Variants in GALNT12 observed in about 807,000 individuals in gnomAD.
GALNT12 encodes UDP-GalNAc:polypeptide N-acetylgalactosaminyltransferase 12.
A neutral mutation model predicts 55.5 loss-of-function variants in GALNT12; 45 were observed. That is an observed-to-expected ratio of 0.81 (90% CI 0.64 to 1.04). GALNT12 has a LOEUF of 1.04. Among genes scored for constraint, GALNT12 ranks in the 50% least tolerant of loss-of-function variants. The pLI, the probability that GALNT12 is intolerant of heterozygous loss-of-function variation, is 0.00. For synonymous variants in GALNT12, 304 were observed against 312.2 expected, an observed-to-expected ratio of 0.97 and a Z score of 0.28; for missense variants, 709 against 754.8, an observed-to-expected ratio of 0.94 and a Z score of 0.71.
At chr9:98,811,579 A>G (rs1835496595) in intron 1 of GALNT12, among the ~76,000 whole-genome samples, 1 of 151,878 alleles carries the variant, frequency 6.6e-6, no homozygotes, top group South Asian at 2.1e-4. Flanking sequence ...TTATTTCTTG[A>G]CTTGCTCTGG....
chr9:98,814,176 G>A (rs1308590125), intron 1 of GALNT12, among the ~76,000 whole-genome samples: 2 of 152,100 alleles, frequency 1.3e-5, no homozygotes, highest in Non-Finnish European at 2.9e-5. Context: ...GTCTCTGTGT[G>A]TATATGCATG....
chr9:98,819,098 G>C (rs1835678905), intron 1 of GALNT12, among the ~76,000 whole-genome samples: 1 of 152,196 alleles, frequency 6.6e-6, no homozygotes, highest in South Asian at 2.1e-4. Flanking sequence ...CTCCAGAATG[G>C]ATGATACCTT....
chr9:98,831,791 G>A lies in GALNT12; in HGVS notation c.751G>A (p.Ala251Thr), dbSNP rs2118413323. ...LLQRIHEEES[A>T]VVCPVIDVID... ...TTTCAGGATCCATGAAGAGGAGTCG[G>A]CAGTGGTGTGCCCGGTGATTGATGT... The change falls in exon 4 of 10, where the codon GCA becomes ACA. Residue 251 changes from alanine to threonine, a missense_variant. Physicochemically the swap from Ala to Thr is moderately conservative, Grantham distance 58. This residue lies in a region of GALNT12 where 315 missense variants were observed against 288.6 expected (regional missense o/e 1.09). Transcript: ENST00000375011. 1.2e-6 allele frequency: 2 copies of A among 1,614,214 alleles called. No individual in the cohort carries two copies. Among genetic ancestry groups the A allele is most frequent in the Non-Finnish European group, 1.7e-6 (2 of 1,180,042 alleles).
At position 98,845,966 on chromosome 9, in the gene GALNT12, C is replaced by T; in HGVS notation, c.1459-11C>T. Reference sequence around the variant, plus strand: ...AAATGTTGTGTTACATGTTGGCTGCCCCATTTTTAGTTTTTCGAGTACACG... The same window carrying T: ...AAATGTTGTGTTACATGTTGGCTGCTCCATTTTTAGTTTTTCGAGTACACG... On this transcript the variant is annotated splice_polypyrimidine_tract_variant and intron_variant, in intron 8 of 9. Transcript: ENST00000375011. 1 of 1,614,006 alleles carries T rather than the reference C, an allele frequency of 6.2e-7. No homozygotes were observed. Among genetic ancestry groups the T allele is most frequent in the African/African-American group, 1.3e-5 (1 of 75,032 alleles).
intron 6 of GALNT12, 56 bp from the exon 7 acceptor site, chr9:98,839,946 G>C: frequency 1.9e-6 from 3 of 1,610,564 alleles, no homozygotes; most frequent in Non-Finnish European, 2.5e-6. Context: ...GAACACAGGG[G>C]CTTTGAAAGG....
chr9:98,843,538 C>T (rs1836344636), intron 7 of GALNT12, among the ~76,000 whole-genome samples: 1 of 152,012 alleles, frequency 6.6e-6, no homozygotes, highest in African/African-American at 2.4e-5. Context: ...TCCCAAGTAG[C>T]TGGTACTACA....
chr9:98,847,924 T>C (rs1386484051), intron 9 of GALNT12, among the ~76,000 whole-genome samples: 1 of 151,204 alleles, frequency 6.6e-6, no homozygotes, highest in African/African-American at 2.4e-5. Flanking sequence ...GCGATTCTCC[T>C]GTCTCAGTCT....
chr9:98,828,977 G>A (rs542043106), intron 3 of GALNT12, among the ~76,000 whole-genome samples: 120 of 151,850 alleles, frequency 7.9e-4, no homozygotes, highest in Middle Eastern at 3.4e-3. Flanking sequence ...CTACAGGTGC[G>A]TGCCACCGCA....
At chr9:98,809,219 C>G (rs1447357127) in intron 1 of GALNT12, among the ~76,000 whole-genome samples, 1 of 152,188 alleles carries the variant, frequency 6.6e-6, no homozygotes, top group Non-Finnish European at 1.5e-5. Flanking sequence ...ATGAGGATGC[C>G]CCACCTCTGC....
chr9:98,844,848 C>A (rs1022795), intron 8 of GALNT12, among the ~76,000 whole-genome samples: 3 of 151,968 alleles, frequency 2.0e-5, no homozygotes, highest in Non-Finnish European at 4.4e-5. Flanking sequence ...CAGAAAAGGA[C>A]CCCCAGCCCT....
intron 1 of GALNT12, among the ~76,000 whole-genome samples, chr9:98,817,467 T>C (rs1236207304): frequency 6.6e-6 from 1 of 152,090 alleles, no homozygotes; most frequent in African/African-American, 2.4e-5. Context: ...TTTTGTTTTG[T>C]TTTGTTTGTT....
intron 2 of GALNT12, among the ~76,000 whole-genome samples, chr9:98,825,792 T>C (rs1564252453): frequency 6.6e-6 from 1 of 151,814 alleles, no homozygotes; most frequent in African/African-American, 2.4e-5. Context: ...CTGGGAAGCA[T>C]AGGAAGACCC....
chr9:98,826,297 T>A (rs1167220755), intron 2 of GALNT12, among the ~76,000 whole-genome samples: 1 of 152,226 alleles, frequency 6.6e-6, no homozygotes, highest in African/African-American at 2.4e-5. Context: ...CTATTATTAT[T>A]GTTACTACTA....
Position 98,840,031 on chromosome 9 carries a change from G to A in GALNT12, c.1242G>A (p.Lys414=), listed in dbSNP as rs1318688316. The part of the protein sequence containing the change: ...LEPFGDVTER[K]QLRDKLQCKD... The stretch of plus-strand genomic sequence containing the variant: ...CTTTTGGGGATGTGACAGAGAGGAA[G>A]CAGCTCCGGGACAAGCTCCAGTGTA... Residue 414 remains lysine (K), a synonymous_variant, in exon 7 of 10, where the codon AAG becomes AAA. Transcript: ENST00000375011. 2 of 1,614,184 alleles carry A rather than the reference G, an allele frequency of 1.2e-6. No homozygotes were observed. Among genetic ancestry groups the A allele is most frequent in the East Asian group, 2.2e-5 (1 of 44,884 alleles).
intron 8 of GALNT12, among the ~76,000 whole-genome samples, chr9:98,845,087 T>C (rs946078790): frequency 6.6e-6 from 1 of 152,064 alleles, no homozygotes; most frequent in African/African-American, 2.4e-5. Context: ...AACCTTAAAT[T>C]ATTTAGGTTT....
At chr9:98,831,126 A>G (rs1462478434) in intron 3 of GALNT12, among the ~76,000 whole-genome samples, 2 of 152,238 alleles carry the variant, frequency 1.3e-5, no homozygotes, top group Non-Finnish European at 2.9e-5. Context: ...GATACCTGCA[A>G]AAGGAAATTA....
chr9:98,845,004 A>G (rs573926341), intron 8 of GALNT12, among the ~76,000 whole-genome samples: 23 of 152,236 alleles, frequency 1.5e-4, no homozygotes, highest in African/African-American at 5.1e-4. Flanking sequence ...TCCAATCTGG[A>G]TTCACCCCAA....
At chr9:98,834,367 C>T (rs1836077872) in intron 4 of GALNT12, among the ~76,000 whole-genome samples, 3 of 152,266 alleles carry the variant, frequency 2.0e-5, no homozygotes, top group South Asian at 2.1e-4. Context: ...GAGATCTGCC[C>T]GCCTCAGCCT....
chr9:98,814,909 A>G (rs1230739119), intron 1 of GALNT12, among the ~76,000 whole-genome samples: 2 of 152,206 alleles, frequency 1.3e-5, no homozygotes, highest in East Asian at 3.8e-4. Flanking sequence ...GTAAAGTACA[A>G]GGCGTGCTGA....
Sources: gnomAD v4.1 joint callset for allele counts (sites outside exome capture counted in the v4.1 genomes callset) on GRCh38, gnomAD v4.1.1 for gene constraint, gnomAD v4.1.1 regional missense constraint, MANE v1.5 for transcripts, NCBI Gene and HGNC (gene_info 2026-07-23, HGNC 2026-07-21) for gene names.